ADGRB3: variants seen among roughly 807,000 people sequenced by gnomAD.
ADGRB3 encodes brain-specific angiogenesis inhibitor 3.
Under a neutral mutation model 193.4 loss-of-function variants are expected in ADGRB3, and 37 were observed. The ratio of observed to expected loss-of-function variants is 0.19; its 90% CI spans 0.15 to 0.25. ADGRB3 has a LOEUF of 0.25. Ranked by LOEUF, ADGRB3 falls within the 10% of genes least tolerant of loss-of-function variation. ADGRB3 has a pLI of 1.00. For synonymous variants in ADGRB3, 690 were observed against 644.2 expected (o/e 1.07, Z -1.08); for missense variants, 1,637 against 1,852.9 (o/e 0.88, Z 2.14).
chr6:68,945,968 TTTG>T (rs1320945636), intron 6 of ADGRB3, among the ~76,000 whole-genome samples: 1 of 152,138 alleles, frequency 6.6e-6, no homozygotes, highest in East Asian at 1.9e-4. Context: ...ATGTAGGTCC[TTTG>T]TTTTTGTGCA....
chr6:69,292,470 G>A (rs1458409876), intron 20 of ADGRB3, among the ~76,000 whole-genome samples: 1 of 152,106 alleles, frequency 6.6e-6, no homozygotes, highest in Non-Finnish European at 1.5e-5. Flanking sequence ...TCAGCAGAAT[G>A]CATTAGTTTG....
intron 3 of ADGRB3, among the ~76,000 whole-genome samples, chr6:68,858,005 A>G (rs1765035553): frequency 6.6e-6 from 1 of 152,180 alleles, no homozygotes; most frequent in Non-Finnish European, 1.5e-5. Flanking sequence ...CCATCCATAT[A>G]AGATGTGACT....
At chr6:69,332,456 A>C (rs1336589719) in intron 23 of ADGRB3, 1 of 985,314 alleles carries the variant, frequency 1.0e-6, no homozygotes, top group Admixed American at 6.1e-5. Flanking sequence ...TGAGGAATTT[A>C]AGCATTCTGT....
chr6:68,805,629 A>G (rs531398544), intron 3 of ADGRB3, among the ~76,000 whole-genome samples: 9 of 152,266 alleles, frequency 5.9e-5, no homozygotes, highest in African/African-American at 1.9e-4. Flanking sequence ...ACTGTCAGAG[A>G]GGGTGTGTGG....
At chr6:69,330,642 G>A in intron 23 of ADGRB3, 70 bp downstream of exon 23, 1 of 1,335,522 alleles carries the variant, frequency 7.5e-7, no homozygotes, top group East Asian at 2.4e-5. Flanking sequence ...TTCAATTAGA[G>A]TGGCAATTTT....
chr6:68,782,456 T>A (rs1250296871), intron 3 of ADGRB3, among the ~76,000 whole-genome samples: 13 of 152,016 alleles, frequency 8.6e-5, no homozygotes, highest in Non-Finnish European at 1.2e-4. Flanking sequence ...TCTTTATAGC[T>A]GCATGATTTA....
chr6:69,320,803 A>G (rs1325264366), intron 20 of ADGRB3, among the ~76,000 whole-genome samples: 1 of 137,652 alleles, frequency 7.3e-6, no homozygotes, highest in Non-Finnish European at 1.6e-5. Flanking sequence ...TCATCAAAGT[A>G]TATGTGCTTG....
chr6:68,807,753 GA>G (rs910134145), intron 3 of ADGRB3, among the ~76,000 whole-genome samples: 1 of 151,906 alleles, frequency 6.6e-6, no homozygotes, highest in Admixed American at 6.6e-5. Flanking sequence ...AAAAAACTGT[GA>G]AAAAATACTT....
At chr6:69,077,959 A>G (rs1239810750) in intron 17 of ADGRB3, among the ~76,000 whole-genome samples, 1 of 151,974 alleles carries the variant, frequency 6.6e-6, no homozygotes, top group Non-Finnish European at 1.5e-5. Flanking sequence ...GTGAGCTTTA[A>G]ACAATGAAGG....
chr6:69,315,395 G>A (rs929961003), intron 20 of ADGRB3, among the ~76,000 whole-genome samples: 3 of 151,640 alleles, frequency 2.0e-5, no homozygotes, highest in Admixed American at 6.6e-5. Context: ...TTAAGATGCA[G>A]TCAAACATCT....
chr6:69,075,860 AT>A, intron 16 of ADGRB3, 134 bp from the exon 17 acceptor site: 4 of 673,924 alleles, frequency 5.9e-6, no homozygotes, highest in Non-Finnish European at 9.9e-6. Context: ...CTTATAAATA[AT>A]TAAAAAGAAA....
chr6:69,242,168 AAATAG>A (rs1766397796), intron 20 of ADGRB3, among the ~76,000 whole-genome samples: 1 of 151,966 alleles, frequency 6.6e-6, no homozygotes, highest in Non-Finnish European at 1.5e-5. Flanking sequence ...TGTCTCAAAA[AAATAG>A]AAAAGTACAA....
chr6:68,954,304 G>T (rs867605536), intron 6 of ADGRB3, among the ~76,000 whole-genome samples: 1 of 151,928 alleles, frequency 6.6e-6, no homozygotes, highest in African/African-American at 2.4e-5. Flanking sequence ...TTTTATTTCT[G>T]TGTATCTTGT....
intron 3 of ADGRB3, among the ~76,000 whole-genome samples, chr6:68,902,782 GTTAAC>G (rs1349056318): frequency 6.6e-6 from 1 of 152,050 alleles, no homozygotes; most frequent in Admixed American, 6.6e-5. Flanking sequence ...CACTAGCACT[GTTAAC>G]TTAAACTCTG....
intron 3 of ADGRB3, among the ~76,000 whole-genome samples, chr6:68,760,233 T>A (rs2127350829): frequency 6.6e-6 from 1 of 152,276 alleles, no homozygotes; most frequent in Non-Finnish European, 1.5e-5. Context: ...GAATGTGAAT[T>A]ATTTCTGAAA....
intron 20 of ADGRB3, among the ~76,000 whole-genome samples, chr6:69,259,540 C>CA (rs1368661093): frequency 6.6e-6 from 1 of 151,288 alleles, no homozygotes; most frequent in African/African-American, 2.4e-5. Context: ...CTAAAAAACG[C>CA]AAAAAAATAG....
intron 3 of ADGRB3, among the ~76,000 whole-genome samples, chr6:68,727,815 G>A (rs1425959149): frequency 6.6e-6 from 1 of 151,560 alleles, no homozygotes; most frequent in Non-Finnish European, 1.5e-5. Context: ...TGTGAATTCA[G>A]TGAAGTGTAC....
At chr6:69,258,845 G>A (rs1320613357) in intron 20 of ADGRB3, among the ~76,000 whole-genome samples, 2 of 152,094 alleles carry the variant, frequency 1.3e-5, no homozygotes, top group African/African-American at 4.8e-5. Flanking sequence ...GGAGTTGAAC[G>A]GATAGATTAA....
At chr6:69,127,298 T>G (rs72919361) in intron 17 of ADGRB3, among the ~76,000 whole-genome samples, 5,764 of 152,284 alleles carry the variant, frequency 0.038, 148 homozygotes, top group Non-Finnish European at 0.055. Flanking sequence ...ATTATTTCTC[T>G]TATTTAGACT....
Sources: allele counts gnomAD v4.1 joint callset (sites outside exome capture counted in the v4.1 genomes callset), GRCh38; gene constraint gnomAD v4.1.1; transcripts MANE v1.5; gene names NCBI Gene and HGNC (gene_info 2026-07-23, HGNC 2026-07-21).